NREP: variants seen among roughly 807,000 people sequenced by gnomAD.
NREP encodes neuronal regeneration-related protein.
A neutral mutation model predicts 8.6 loss-of-function variants in NREP; 5 were observed. That is an observed-to-expected ratio of 0.58 (90% confidence interval 0.30 to 1.22). NREP has a LOEUF of 1.22. NREP is among the 50% of genes most tolerant of loss of function. The pLI is 0.07. For synonymous variants in NREP, 27 were observed against 28.0 expected (o/e 0.96, Z 0.11); for missense variants, 86 against 82.5 (o/e 1.04, Z -0.17).
At chr5:111,936,664 G>A (rs140351440) in intron 2 of NREP, among the ~76,000 whole-genome samples, 2,289 of 152,094 alleles carry the variant, frequency 0.015, 28 homozygotes, top group Non-Finnish European at 0.025. Context: ...AAAGGCTGTC[G>A]CTACTCTCCC....
intron 2 of NREP, among the ~76,000 whole-genome samples, chr5:111,902,789 A>G (rs1036182976): frequency 6.6e-6 from 1 of 152,156 alleles, no homozygotes; most frequent in Non-Finnish European, 1.5e-5. Context: ...CAAACAGAGC[A>G]ATCTCGTGAG....
At chr5:111,867,885 G>C (rs531903226) in intron 2 of NREP, among the ~76,000 whole-genome samples, 1 of 151,970 alleles carries the variant, frequency 6.6e-6, no homozygotes, top group South Asian at 2.1e-4. Context: ...ATAATTTCAT[G>C]ACATCTAGTA....
chr5:111,799,148 C>T (rs1477109625), intron 2 of NREP, among the ~76,000 whole-genome samples: 3 of 152,122 alleles, frequency 2.0e-5, no homozygotes, highest in Non-Finnish European at 2.9e-5. Flanking sequence ...TATACCAGTA[C>T]CATGCTGTTT....
At chr5:111,877,331 C>A (rs1405869619) in intron 2 of NREP, among the ~76,000 whole-genome samples, 1 of 152,198 alleles carries the variant, frequency 6.6e-6, no homozygotes, top group Non-Finnish European at 1.5e-5. Context: ...TCCAATAATT[C>A]TAAACCAATA....
intron 2 of NREP, among the ~76,000 whole-genome samples, chr5:111,787,418 C>A (rs920412459): frequency 2.0e-5 from 3 of 151,934 alleles, no homozygotes; most frequent in Admixed American, 1.3e-4. Flanking sequence ...TTGTGGGTTG[C>A]GAAGAAAACT....
intron 2 of NREP, among the ~76,000 whole-genome samples, chr5:111,927,168 G>A (rs1755411740): frequency 1.3e-5 from 2 of 152,082 alleles, no homozygotes; most frequent in East Asian, 2.0e-4. Flanking sequence ...CATTCCTGGT[G>A]TGTGGTGGGG....
intron 2 of NREP, among the ~76,000 whole-genome samples, chr5:111,803,813 TACAAAA>T (rs1374491726): frequency 2.0e-5 from 3 of 152,126 alleles, no homozygotes; most frequent in Non-Finnish European, 2.9e-5. Flanking sequence ...ATTATGCAGG[TACAAAA>T]GATGAAATAA....
At chr5:111,896,284 A>G (rs777177933) in intron 2 of NREP, among the ~76,000 whole-genome samples, 11 of 152,204 alleles carry the variant, frequency 7.2e-5, no homozygotes, top group Non-Finnish European at 1.5e-4. Context: ...ATCAGGGATT[A>G]TAACGAAGTT....
intron 2 of NREP, among the ~76,000 whole-genome samples, chr5:111,829,467 G>A (rs1183782729): frequency 6.6e-6 from 1 of 152,178 alleles, no homozygotes; most frequent in Non-Finnish European, 1.5e-5. Context: ...TAAAGACAAT[G>A]TAATGTGCCT....
chr5:111,913,711 T>A (rs1382611845), intron 2 of NREP, among the ~76,000 whole-genome samples: 1 of 152,090 alleles, frequency 6.6e-6, no homozygotes, highest in Non-Finnish European at 1.5e-5. Flanking sequence ...TGAGGAATAA[T>A]TAAGATTTGT....
chr5:111,762,972 G>A (rs564856317), intron 2 of NREP, among the ~76,000 whole-genome samples: 1 of 152,198 alleles, frequency 6.6e-6, no homozygotes, highest in East Asian at 1.9e-4. Context: ...TTACATATGT[G>A]TATAAAAGTT....
At chr5:111,816,193 G>A (rs924966024) in intron 2 of NREP, among the ~76,000 whole-genome samples, 3 of 152,148 alleles carry the variant, frequency 2.0e-5, no homozygotes, top group African/African-American at 7.2e-5. Flanking sequence ...AAGAGATAGA[G>A]ACTTTTCTAA....
At chr5:111,775,629 TA>T (rs1475305789) in intron 2 of NREP, among the ~76,000 whole-genome samples, 1 of 152,176 alleles carries the variant, frequency 6.6e-6, no homozygotes, top group Non-Finnish European at 1.5e-5. Flanking sequence ...ATAATTTTTT[TA>T]TTCATTAATA....
chr5:111,885,302 A>T (rs1387743007), intron 2 of NREP, among the ~76,000 whole-genome samples: 1 of 151,678 alleles, frequency 6.6e-6, no homozygotes, highest in African/African-American at 2.4e-5. Context: ...AGAACTACAA[A>T]CCACTGCTCA....
At chr5:111,905,259 G>A (rs1754753765) in intron 2 of NREP, among the ~76,000 whole-genome samples, 1 of 152,114 alleles carries the variant, frequency 6.6e-6, no homozygotes, top group East Asian at 1.9e-4. Context: ...AGATCACGTG[G>A]TAAGACTGTG....
At chr5:111,843,584 C>A (rs1354755891) in intron 2 of NREP, among the ~76,000 whole-genome samples, 1 of 151,760 alleles carries the variant, frequency 6.6e-6, no homozygotes, top group Middle Eastern at 3.4e-3. Flanking sequence ...TTATTTTGTT[C>A]GTTTGTTGAT....
chr5:111,804,011 G>A (rs1355703085), intron 2 of NREP, among the ~76,000 whole-genome samples: 1 of 151,850 alleles, frequency 6.6e-6, no homozygotes, highest in Non-Finnish European at 1.5e-5. Flanking sequence ...TTTTTTCCCT[G>A]GATCTAACAA....
At chr5:111,823,489 T>C (rs1385400601) in intron 2 of NREP, among the ~76,000 whole-genome samples, 3 of 152,190 alleles carry the variant, frequency 2.0e-5, no homozygotes, top group East Asian at 1.9e-4. Flanking sequence ...TCAATATACT[T>C]TTTCCCTAAG....
At chr5:111,891,944 A>G (rs1754405078) in intron 2 of NREP, among the ~76,000 whole-genome samples, 2 of 152,214 alleles carry the variant, frequency 1.3e-5, no homozygotes, top group African/African-American at 4.8e-5. Flanking sequence ...TATCCAAACT[A>G]TATCAGTCAT....
Sources: allele counts gnomAD v4.1 joint callset (sites outside exome capture counted in the v4.1 genomes callset), GRCh38; gene constraint gnomAD v4.1.1; transcripts MANE v1.5; gene names NCBI Gene and HGNC (gene_info 2026-07-23, HGNC 2026-07-21).